Variants in TCF12 observed in about 807,000 individuals in gnomAD.
TCF12 encodes DNA-binding protein HTF4.
In TCF12, 45 loss-of-function variants were observed where a neutral mutation model predicts 86.0. That is an observed-to-expected ratio of 0.52 (90% CI 0.41 to 0.67). TCF12 has a LOEUF of 0.67. Ranked by LOEUF, TCF12 falls within the 30% of genes least tolerant of loss-of-function variation. The pLI, the probability that TCF12 is intolerant of heterozygous loss-of-function variation, is 0.00. For missense variants in TCF12, 881 were observed against 859.9 expected (o/e 1.02, Z -0.31); for synonymous variants, 330 against 299.6 (o/e 1.10, Z -1.05).
chr15:57,150,057 T>G (rs1158866168), intron 5 of TCF12, among the ~76,000 whole-genome samples: 2 of 152,158 alleles, frequency 1.3e-5, no homozygotes, highest in African/African-American at 4.8e-5. Flanking sequence ...ACTCTCTCAC[T>G]GCCTGTAGGA....
intron 8 of TCF12, chr15:57,218,949 G>T: frequency 1.2e-6 from 1 of 832,616 alleles, no homozygotes; most frequent in Non-Finnish European, 1.5e-6. Context: ...TTTTGTACAA[G>T]ATTTAACTGT....
chr15:57,191,857 A>T (rs1168895419), intron 6 of TCF12, among the ~76,000 whole-genome samples: 1 of 151,756 alleles, frequency 6.6e-6, no homozygotes, highest in African/African-American at 2.4e-5. Flanking sequence ...TCGCTTGAAC[A>T]CGGGAGGCAG....
chr15:57,232,301 C>A lies in TCF12; in HGVS notation c.696C>A (p.His232Gln), dbSNP rs774105478. ...CTCTTTTTGTCTTAGATGGGACCCACAATTCTTCTGACCTTTGGAGTTCAT... is the reference window on the plus strand; with the variant it reads ...CTCTTTTTGTCTTAGATGGGACCCAAAATTCTTCTGACCTTTGGAGTTCAT... ...ASTFFMQDGT[H>Q]NSSDLWSSSN... Residue 232 changes from histidine to glutamine, a missense_variant, in exon 10 of 21, where the codon CAC (histidine) becomes CAA (glutamine). By Grantham distance (24) the His-to-Gln change is conservative. Around this residue, in one of 3 missense-constraint regions of TCF12, gnomAD observed 766 missense variants for 718.9 expected, o/e 1.07. Transcript: ENST00000333725. 4 of 1,613,762 alleles carry A rather than the reference C, an allele frequency of 2.5e-6. No individual in the cohort carries two copies. The African/African-American group carries it at 5.3e-5, about 22-fold the overall frequency.
At chr15:57,055,375 T>A (rs1275143634) in intron 3 of TCF12, among the ~76,000 whole-genome samples, 1 of 152,184 alleles carries the variant, frequency 6.6e-6, no homozygotes, top group Non-Finnish European at 1.5e-5. Flanking sequence ...CACTCTGGCC[T>A]GGGTGACGAG....
Position 57,197,834 on chromosome 15 carries a change from C to G in TCF12, c.579+9C>G. The G allele has an allele frequency of 6.2e-7, 1 of 1,613,428 alleles. No individual in the cohort carries two copies. Among genetic ancestry groups the G allele is most frequent in the Non-Finnish European group, 8.5e-7 (1 of 1,179,758 alleles). On this transcript the variant is annotated intron_variant, in intron 8 of 20. Transcript: ENST00000333725. ...CTGGTTTGCCTTCTTCTGTAAGTAC[C>G]TATCTTTTTTTAACTTGATGGTAAA...
intron 3 of TCF12, among the ~76,000 whole-genome samples, chr15:57,006,164 A>G (rs1370100664): frequency 6.6e-6 from 1 of 152,208 alleles, no homozygotes; most frequent in Non-Finnish European, 1.5e-5. Context: ...TCAGTATATT[A>G]TCACCACAAA....
At chr15:57,265,930 A>G (rs975066689) in intron 18 of TCF12, among the ~76,000 whole-genome samples, 1 of 152,184 alleles carries the variant, frequency 6.6e-6, no homozygotes. Flanking sequence ...TAATAAGACC[A>G]CTGTCATGTA....
At position 57,279,491 on chromosome 15, in the gene TCF12, G is replaced by A. The variant is rs111372547; in HGVS notation, c.1979-2954G>A. On this transcript the variant is annotated intron_variant, in intron 19 of 20. Transcript: ENST00000333725. ...ACTTAGCACACATTTGCCGTGGTCT[G>A]TGTCACACACCAAGAGGTATGAAAG... 8.7e-4 allele frequency among the ~76,000 whole-genome samples: 133 copies of A among 152,310 alleles called. 4 individuals carry two copies. Among genetic ancestry groups the A allele is most frequent in the African/African-American group, 3.2e-3 (131 of 41,558 alleles).
At chr15:57,027,200 C>A (rs1046990224) in intron 3 of TCF12, among the ~76,000 whole-genome samples, 1 of 152,130 alleles carries the variant, frequency 6.6e-6, no homozygotes, top group Middle Eastern at 3.2e-3. Flanking sequence ...TCCATCACTC[C>A]AGAAAGTACC....
At chr15:57,195,188 C>G (rs1320912542) in intron 7 of TCF12, among the ~76,000 whole-genome samples, 1 of 152,206 alleles carries the variant, frequency 6.6e-6, no homozygotes, top group African/African-American at 2.4e-5. Flanking sequence ...CAGGCATGAG[C>G]CACCGCACCC....
chr15:57,138,044 A>AT (rs139033310), intron 5 of TCF12, among the ~76,000 whole-genome samples: 3 of 114,314 alleles, frequency 2.6e-5, no homozygotes, highest in Non-Finnish European at 4.4e-5. Flanking sequence ...AAAAAAAAAA[A>AT]AATAAAGTAT....
At chr15:56,918,306 C>G (rs1414606825), upstream of TCF12, 1 of 454,566 alleles carries the variant, frequency 2.2e-6, no homozygotes, top group Non-Finnish European at 4.4e-6. Flanking sequence ...GTCTCCGTCG[C>G]TCCGCTTCGG....
intron 8 of TCF12, among the ~76,000 whole-genome samples, chr15:57,206,306 G>T (rs572655610): frequency 6.6e-6 from 1 of 152,084 alleles, no homozygotes; most frequent in African/African-American, 2.4e-5. Context: ...TTTGAGACCA[G>T]CCTGGCCAAC....
chr15:56,944,432 AT>A (rs1567142402), intron 3 of TCF12, among the ~76,000 whole-genome samples: 1 of 152,200 alleles, frequency 6.6e-6, no homozygotes, highest in Non-Finnish European at 1.5e-5. Context: ...TTGTCTTGTA[AT>A]TGCTTTAAAC....
At chr15:57,211,977 CACCA>C (rs1315842160) in intron 8 of TCF12, among the ~76,000 whole-genome samples, 1 of 5,424 alleles carries the variant, frequency 1.8e-4, no homozygotes, top group African/African-American at 2.9e-4. Context: ...CACACACACA[CACCA>C]CACACACACA....
intron 5 of TCF12, among the ~76,000 whole-genome samples, chr15:57,104,267 A>G (rs1303014795): frequency 6.6e-6 from 1 of 152,122 alleles, no homozygotes; most frequent in Non-Finnish European, 1.5e-5. Context: ...ATCTCATAAC[A>G]TAATTGGAAG....
At position 57,234,048 on chromosome 15, in the gene TCF12, A is replaced by G; in HGVS notation, c.976A>G (p.Arg326Gly). ...INGSDSILGTRGNAAGSSQTG... is the reference protein window; with the variant it reads ...INGSDSILGTGGNAAGSSQTG... ...TTTCTCTATGAAATATCCAGGAACCAGAGGGAATGCTGCTGGAAGCTCACA... is the reference window on the plus strand; with the variant it reads ...TTTCTCTATGAAATATCCAGGAACCGGAGGGAATGCTGCTGGAAGCTCACA... The change falls in exon 12 of 21, where the codon AGA becomes GGA. Residue 326 changes from arginine (R) to glycine (G), a missense_variant. By Grantham distance (125) the Arg-to-Gly change is moderately radical (BLOSUM62 -2). Transcript: ENST00000333725. The G allele has an allele frequency of 1.2e-6, 2 of 1,613,372 alleles. No individual in the cohort carries two copies. Among genetic ancestry groups the G allele is most frequent in the East Asian group, 2.2e-5 (1 of 44,848 alleles).
At chr15:57,037,157 A>T (rs1233352659) in intron 3 of TCF12, among the ~76,000 whole-genome samples, 1 of 152,214 alleles carries the variant, frequency 6.6e-6, no homozygotes. Context: ...TTTAAAAAGT[A>T]GTATAAGGGG....
intron 3 of TCF12, 45 bp from the exon 4 acceptor site, chr15:57,063,705 A>G: frequency 6.4e-7 from 1 of 1,550,546 alleles, no homozygotes; most frequent in South Asian, 1.2e-5. Context: ...AAAAATCCAC[A>G]AAAGTATGTT....
Sources: gnomAD v4.1 joint callset for allele counts (sites outside exome capture counted in the v4.1 genomes callset) on GRCh38, gnomAD v4.1.1 for gene constraint, gnomAD v4.1.1 regional missense constraint, MANE v1.5 for transcripts, NCBI Gene and HGNC (gene_info 2026-07-23, HGNC 2026-07-21) for gene names.